Variants in NHS observed in about 807,000 individuals in gnomAD.
NHS encodes the protein NHS actin remodeling regulator.
A neutral mutation model predicts 72.5 loss-of-function variants in NHS; 5 were observed. The observed-to-expected ratio is 0.07, with a 90% CI of 0.04 to 0.14. NHS has a LOEUF of 0.14. Ranked by LOEUF, NHS falls within the 10% of genes least tolerant of loss-of-function variation. The probability of loss-of-function intolerance (pLI) is 1.00; values close to 1 mark genes in which losing one functional copy is unlikely to be tolerated. For missense variants in NHS, 1,072 were observed against 1,355.7 expected (o/e 0.79, Z 3.29); for synonymous variants, 464 against 547.7 (o/e 0.85, Z 2.13).
chrX:17,699,367 A>T (rs1333840433), intron 3 of NHS, among the ~76,000 whole-genome samples: 1 of 112,150 alleles, frequency 8.9e-6, no homozygotes, highest in Non-Finnish European at 1.9e-5. Context: ...ATATATCAGT[A>T]GAATAAAACA....
chrX:17,721,804 C>A (rs771681658), intron 5 of NHS, among the ~76,000 whole-genome samples, 171 bp downstream of exon 5: 9 of 111,895 alleles, frequency 8.0e-5, no homozygotes, highest in Non-Finnish European at 1.5e-4. Context: ...TTTTGAACAT[C>A]AATTTACATG....
At chrX:17,617,170 G>A (rs1321764234) in intron 1 of NHS, among the ~76,000 whole-genome samples, 2 of 111,536 alleles carry the variant, frequency 1.8e-5, no homozygotes, top group Admixed American at 1.9e-4. Context: ...TGTAATTCCC[G>A]GGTTTGTTGG....
chrX:17,729,959 G>A (rs1335228372), intron 8 of NHS, among the ~76,000 whole-genome samples: 2 of 112,199 alleles, frequency 1.8e-5, no homozygotes, highest in Admixed American at 9.4e-5. Flanking sequence ...TGTTGATGTG[G>A]TTCTCTCATA....
At chrX:17,553,760 G>A (rs773982819) in intron 1 of NHS, among the ~76,000 whole-genome samples, 38 of 111,404 alleles carry the variant, frequency 3.4e-4, no homozygotes, top group Admixed American at 3.0e-3. Flanking sequence ...CTCCTGTTTC[G>A]GGGGCGGGGT....
chrX:17,537,713 C>T (rs909019596), intron 1 of NHS, among the ~76,000 whole-genome samples: 1 of 111,861 alleles, frequency 8.9e-6, no homozygotes, highest in Non-Finnish European at 1.9e-5. Flanking sequence ...TCAGCAAAGC[C>T]AAAGGGTTTA....
intron 1 of NHS, among the ~76,000 whole-genome samples, chrX:17,530,886 C>T (rs1015391981): frequency 9.0e-6 from 1 of 111,391 alleles, no homozygotes; most frequent in African/African-American, 3.3e-5. Flanking sequence ...TGGTCTTGAA[C>T]TGCTGGCCTC....
At chrX:17,449,775 G>A (rs1416122899) in intron 1 of NHS, among the ~76,000 whole-genome samples, 1 of 111,765 alleles carries the variant, frequency 8.9e-6, no homozygotes, top group Non-Finnish European at 1.9e-5. Flanking sequence ...GTGATTTCCA[G>A]GAAGACATAA....
intron 1 of NHS, among the ~76,000 whole-genome samples, chrX:17,431,211 C>A (rs991146561): frequency 9.0e-6 from 1 of 111,722 alleles, no homozygotes; most frequent in African/African-American, 3.3e-5. Context: ...CCCTTTGAGG[C>A]CTCATTTTCC....
intron 1 of NHS, among the ~76,000 whole-genome samples, chrX:17,485,555 A>G (rs1196617591): frequency 3.6e-5 from 4 of 110,550 alleles, no homozygotes. Context: ...AGACTGTTAG[A>G]TGGCCTACAT....
rs1366711137 is a variant in NHS, at chrX:17,692,232, AC to A, written c.719-102del. 17 of 862,695 alleles carry A rather than the reference AC, an allele frequency of 2.0e-5. No homozygotes were observed. The East Asian group carries it at 5.6e-4, about 28-fold the overall frequency. 71.1% of individuals were successfully genotyped at this position (862,695 alleles called of 1,213,427 possible). ...AAATTAGCTAAAGTAATGAAAACTC[AC>A]TTTTTTTTTTTTTTACAGCCTTTTG... On this transcript the variant is annotated intron_variant, in intron 2 of 8. Coordinates refer to ENST00000676302, the MANE Select transcript of NHS (RefSeq NM_001291867.2).
At chrX:17,547,119 A>G (rs73443642) in intron 1 of NHS, among the ~76,000 whole-genome samples, 5,249 of 111,641 alleles carry the variant, frequency 0.047, 272 homozygotes, top group African/African-American at 0.15. Flanking sequence ...AAGGTGGTAC[A>G]TTTTCCATGA....
intron 1 of NHS, 108 bp from the exon 2 acceptor site, chrX:17,687,634 A>C: frequency 1.1e-6 from 1 of 900,950 alleles, no homozygotes; most frequent in Non-Finnish European, 1.6e-6. Flanking sequence ...AGTAGTCTGG[A>C]CTTCCACTCC....
At chrX:17,715,191 C>A (rs2066357650) in intron 3 of NHS, among the ~76,000 whole-genome samples, 1 of 111,156 alleles carries the variant, frequency 9.0e-6, no homozygotes, top group South Asian at 3.8e-4. Context: ...AGTCCCCTGC[C>A]CCAAGTCCCC....
At chrX:17,378,290 A>G (rs2064357267) in intron 1 of NHS, among the ~76,000 whole-genome samples, 1 of 111,814 alleles carries the variant, frequency 8.9e-6, no homozygotes, top group Non-Finnish European at 1.9e-5. Context: ...GTGTGCATAT[A>G]GTTGGTGAAT....
At chrX:17,418,669 A>AT (rs201148960) in intron 1 of NHS, among the ~76,000 whole-genome samples, 13 of 109,349 alleles carry the variant, frequency 1.2e-4, no homozygotes, top group South Asian at 3.9e-4. Flanking sequence ...AGCCTATGAC[A>AT]TTTTTTTTTG....
chrX:17,449,724 G>A (rs2146888490), intron 1 of NHS, among the ~76,000 whole-genome samples: 1 of 112,464 alleles, frequency 8.9e-6, no homozygotes, highest in African/African-American at 3.2e-5. Context: ...TCAGTCAGGT[G>A]TTTAGAGATG....
chrX:17,379,291 C>T (rs752742127), intron 1 of NHS, among the ~76,000 whole-genome samples: 24 of 110,206 alleles, frequency 2.2e-4, no homozygotes, highest in African/African-American at 7.6e-4. Context: ...CAGTTAGACA[C>T]TGTGACTGGT....
chrX:17,415,706 AG>A (rs1209152990), intron 1 of NHS, among the ~76,000 whole-genome samples: 1 of 112,120 alleles, frequency 8.9e-6, no homozygotes, highest in African/African-American at 3.2e-5. Context: ...TTCTGTAATG[AG>A]GAGGCATTTC....
chrX:17,689,885 A>G (rs2066185514), intron 2 of NHS, among the ~76,000 whole-genome samples: 1 of 111,980 alleles, frequency 8.9e-6, no homozygotes, highest in African/African-American at 3.3e-5. Flanking sequence ...GATTTTATGG[A>G]TTCCACCAGA....
Sources: gnomAD v4.1 joint callset for allele counts (sites outside exome capture counted in the v4.1 genomes callset) on GRCh38, gnomAD v4.1.1 for gene constraint, MANE v1.5 for transcripts, NCBI Gene and HGNC (gene_info 2026-07-23, HGNC 2026-07-21) for gene names.